Variants in DIDO1 observed in about 807,000 individuals in gnomAD.
DIDO1 encodes the protein death-inducer obliterator 1.
DIDO1 carries 16 observed loss-of-function variants against 99.4 expected under a neutral mutation model. The ratio of observed to expected loss-of-function variants is 0.16; its 90% confidence interval spans 0.11 to 0.24. DIDO1 has a LOEUF of 0.24. Among genes scored for constraint, DIDO1 ranks in the 10% least tolerant of loss-of-function variants. The probability of loss-of-function intolerance (pLI) is 1.00; values close to 1 mark genes in which losing one functional copy is unlikely to be tolerated. For synonymous variants in DIDO1, 1,366 were observed against 1,239.1 expected (o/e 1.10, Z -2.15); for missense variants, 2,996 against 3,014.0 (o/e 0.99, Z 0.14).
intron 1 of DIDO1, among the ~76,000 whole-genome samples, 186 bp downstream of exon 1, chr20:62,926,253 C>T (rs1472631272): frequency 1.2e-5 from 1 of 83,682 alleles, no homozygotes; most frequent in Admixed American, 1.1e-4. Context: ...CGGCCCCGCC[C>T]GCTCGCCCGC....
chr20:62,935,385 G>GCTTA (rs778101686), intron 1 of DIDO1, among the ~76,000 whole-genome samples: 6 of 152,138 alleles, frequency 3.9e-5, no homozygotes, highest in Non-Finnish European at 1.5e-5. Flanking sequence ...CTCACATGAA[G>GCTTA]CTTACCATTT....
rs765572676 is a variant in DIDO1, at chr20:62,896,338, G to A, written c.2109C>T (p.Ala703=). ...IMTENEVGKI[A]LHIEKEMFNL... ...TAAACATCTCCTTCTCAATATGGAG[G>A]GCAATTTTTCCTACTTCGTTTTCTG... The change falls in exon 8 of 16, where the codon GCC becomes GCT. Residue 703 remains alanine, a synonymous_variant. Coordinates refer to ENST00000395343, the MANE Select transcript of DIDO1 (RefSeq NM_001193369.2). The surrounding 1 kb of genome is among the most constrained non-coding windows in gnomAD (Gnocchi z 4.4). The A allele has an allele frequency of 3.1e-6, 5 of 1,613,834 alleles. No individual in the cohort carries two copies. In the Admixed American group the frequency reaches 8.3e-5, roughly 27 times the overall value.
intron 3 of DIDO1, among the ~76,000 whole-genome samples, chr20:62,910,415 T>C (rs1178115683): frequency 1.3e-5 from 2 of 152,218 alleles, no homozygotes; most frequent in Admixed American, 6.5e-5. Context: ...CCCTCTGCTA[T>C]GTCTCCCAAG....
chr20:62,926,313 C>G (rs1209567547), intron 1 of DIDO1, 126 bp downstream of exon 1: 1 of 151,684 alleles, frequency 6.6e-6, no homozygotes, highest in East Asian at 1.9e-4. Context: ...TCGGCGGGAG[C>G]GGCCTGTGCG....
chr20:62,910,564 A>T (rs2064908813), intron 3 of DIDO1, among the ~76,000 whole-genome samples: 1 of 152,202 alleles, frequency 6.6e-6, no homozygotes, highest in Admixed American at 6.5e-5. Flanking sequence ...ACTTGACTGG[A>T]AACAGCCATG....
Position 62,879,428 on chromosome 20 carries a change from G to T in DIDO1, c.6528C>A (p.Ser2176Arg). 6.5e-7 allele frequency: 1 copy of T among 1,547,222 alleles called. No individual in the cohort carries two copies. Residue 2176 changes from serine to arginine, a missense_variant, in exon 16 of 16, where the codon AGC becomes AGA. Transcript: ENST00000395343. The surrounding 1 kb of genome is among the most constrained non-coding windows in gnomAD (Gnocchi z 6.3). ...GGTCTCGCTCGCGCTCTCGGTTCCT[G>T]CTCCGCTCCCGGCTGCGGTCCCACT... Reference protein sequence around the residue: ...GKEWDRSRERSRNRERERDRR... With the variant: ...GKEWDRSRERRRNRERERDRR...
rs759533170 is a variant in DIDO1, at chr20:62,882,026, T to G, written c.3930A>C (p.Thr1310=). Residue 1310 remains threonine (T), a synonymous_variant, in exon 16 of 16, where the codon ACA becomes ACC. Coordinates refer to ENST00000395343, the MANE Select transcript of DIDO1 (RefSeq NM_001193369.2). ...GCAGGATGTGCTCCAGCGGTGATGC[T>G]GTTTTGGAAGCAGACGAAGCGGTGG... ...ASSTASSASK[T]ASPLEHILQT... is the part of the protein sequence containing the mutation. The G allele has an allele frequency of 6.2e-7, 1 of 1,613,570 alleles. No individual in the cohort carries two copies. Among genetic ancestry groups the G allele is most frequent in the Non-Finnish European group, 8.5e-7 (1 of 1,180,026 alleles).
At chr20:62,922,155 CAA>C (rs1311789854) in intron 1 of DIDO1, among the ~76,000 whole-genome samples, 4 of 148,398 alleles carry the variant, frequency 2.7e-5, no homozygotes, top group African/African-American at 1.0e-4. Context: ...CACACACACA[CAA>C]ACAATGCCCG....
chr20:62,894,717 G>C lies in DIDO1; in HGVS notation c.2436+93C>G. On this transcript the variant is annotated intron_variant, in intron 10 of 15. Transcript: ENST00000395343. This position sits in a 1 kb window ranked among gnomAD's most constrained non-coding sequence, Gnocchi z 4.4. ...CCACAATGACATACACCTGCTGTAAGCTCAGGTCCTGCCCAATAATTTAAG... is the reference window on the plus strand; with the variant it reads ...CCACAATGACATACACCTGCTGTAACCTCAGGTCCTGCCCAATAATTTAAG... 1 of 1,427,388 alleles carries C rather than the reference G, an allele frequency of 7.0e-7. No individual in the cohort carries two copies. The highest frequency in any genetic ancestry group is 2.1e-5 in the Admixed American group (1 of 47,696). The allele number at this position is 1,427,388 out of a possible 1,614,324, so 88.4% of individuals were successfully genotyped here.
At chr20:62,917,221 G>C (rs1327228772) in intron 1 of DIDO1, among the ~76,000 whole-genome samples, 2 of 151,996 alleles carry the variant, frequency 1.3e-5, no homozygotes, top group Non-Finnish European at 2.9e-5. Context: ...TGTAGAGACA[G>C]GGTCTTACTA....
At chr20:62,884,448 A>T (rs2064266318) in intron 15 of DIDO1, among the ~76,000 whole-genome samples, 1 of 152,184 alleles carries the variant, frequency 6.6e-6, no homozygotes, top group Non-Finnish European at 1.5e-5. Flanking sequence ...CGGTACAGAT[A>T]ATTTAACGTG....
intron 1 of DIDO1, among the ~76,000 whole-genome samples, chr20:62,921,680 A>T (rs925914676): frequency 1.5e-5 from 2 of 135,944 alleles, no homozygotes; most frequent in Admixed American, 7.4e-5. Flanking sequence ...CCCAGGCTGG[A>T]GGGCAATGGA....
chr20:62,894,963 A>G lies in DIDO1; in HGVS notation c.2332-49T>C, dbSNP rs766530907. 2 of 1,602,802 alleles carry G rather than the reference A, an allele frequency of 1.2e-6. No homozygotes were observed. The highest frequency in any genetic ancestry group is 3.4e-5 in the Admixed American group (2 of 59,240). On this transcript the variant is annotated intron_variant, in intron 9 of 15. Coordinates refer to ENST00000395343, the MANE Select transcript of DIDO1 (RefSeq NM_001193369.2). The surrounding 1 kb of genome is among the most constrained non-coding windows in gnomAD (Gnocchi z 4.4). ...AGCTTAGGCCTTGTTTTCTAGGAGG[A>G]AAGCATCGCTTATGCAGCCGTCTAT...
chr20:62,886,416 T>C (rs2064298978), intron 15 of DIDO1, among the ~76,000 whole-genome samples: 1 of 152,164 alleles, frequency 6.6e-6, no homozygotes. Flanking sequence ...GACTCAGTGG[T>C]CAGAATCAGA....
intron 6 of DIDO1, among the ~76,000 whole-genome samples, chr20:62,900,075 G>A (rs1242933240): frequency 6.6e-6 from 1 of 152,158 alleles, no homozygotes; most frequent in Non-Finnish European, 1.5e-5. Context: ...AGAAACACAG[G>A]GCTCTGTCAG....
rs1234321079 is a variant in DIDO1, at chr20:62,896,976, ACCT to A, written c.1606_1608del (p.Arg536del). 1.2e-6 allele frequency: 2 copies of A among 1,612,708 alleles called. No homozygotes were observed. The highest frequency in any genetic ancestry group is 3.3e-5 in the Admixed American group (2 of 59,816). Reference sequence around the variant, plus strand: ...GCCATGGCTGCCGCTTTCTCCTCGGACCTCCTGTCTTCCTTCGTGGCTACAAAG... The same window carrying A: ...GCCATGGCTGCCGCTTTCTCCTCGGACCTGTCTTCCTTCGTGGCTACAAAG... On this transcript the variant is annotated inframe_deletion, in exon 7 of 16. Coordinates refer to ENST00000395343, the MANE Select transcript of DIDO1 (RefSeq NM_001193369.2). The surrounding 1 kb of genome is among the most constrained non-coding windows in gnomAD (Gnocchi z 4.4).
chr20:62,930,231 A>C (rs923003099), upstream of DIDO1, among the ~76,000 whole-genome samples: 10 of 151,972 alleles, frequency 6.6e-5, no homozygotes, highest in South Asian at 2.1e-4. Flanking sequence ...AAAAAAAAAA[A>C]ACACAGATCT....
intron 6 of DIDO1, among the ~76,000 whole-genome samples, chr20:62,898,706 C>T (rs1211420514): frequency 1.3e-5 from 2 of 152,206 alleles, no homozygotes; most frequent in Non-Finnish European, 2.9e-5. Context: ...CACAACCGCA[C>T]CCCAAAACAC....
At chr20:62,883,993 G>A (rs1037799285) in intron 15 of DIDO1, among the ~76,000 whole-genome samples, 2 of 152,274 alleles carry the variant, frequency 1.3e-5, no homozygotes, top group East Asian at 3.9e-4. Flanking sequence ...GCAACAGAGT[G>A]AGACTCTCTT....
Sources: allele counts gnomAD v4.1 joint callset (sites outside exome capture counted in the v4.1 genomes callset), GRCh38; gene constraint gnomAD v4.1.1; non-coding constraint Gnocchi (gnomAD v3.1); transcripts MANE v1.5; gene names NCBI Gene and HGNC (gene_info 2026-07-23, HGNC 2026-07-21).